Variants in ADAMTS12 observed in about 807,000 individuals in gnomAD.
ADAMTS12 encodes ADAM metallopeptidase with thrombospondin type 1 motif 12, also known as A disintegrin and metalloproteinase with thrombospondin motifs 12.
In ADAMTS12, 118 loss-of-function variants were observed where a neutral mutation model predicts 167.8. That is an observed-to-expected ratio of 0.70 (90% CI 0.61 to 0.82). ADAMTS12 has a LOEUF of 0.82. Ranked by LOEUF, ADAMTS12 falls within the 40% of genes least tolerant of loss-of-function variation. ADAMTS12 has a pLI of 0.00. For synonymous variants in ADAMTS12, 704 were observed against 716.9 expected (o/e 0.98, Z 0.29); for missense variants, 1,916 against 1,998.8 (o/e 0.96, Z 0.79).
chr5:33,701,257 G>A (rs1259106314), intron 3 of ADAMTS12, among the ~76,000 whole-genome samples: 2 of 152,178 alleles, frequency 1.3e-5, no homozygotes, highest in Non-Finnish European at 2.9e-5. Context: ...CCCAACATCT[G>A]AGCACCCTTA....
chr5:33,553,782 G>T (rs1373610307), intron 20 of ADAMTS12, among the ~76,000 whole-genome samples: 1 of 152,150 alleles, frequency 6.6e-6, no homozygotes. Flanking sequence ...TAATACCTGG[G>T]TGATGAAATA....
At chr5:33,528,154 T>C (rs1373268300) in intron 23 of ADAMTS12, among the ~76,000 whole-genome samples, 3 of 152,026 alleles carry the variant, frequency 2.0e-5, no homozygotes, top group African/African-American at 7.3e-5. Context: ...GCCATTATTC[T>C]AAGTGAAGTA....
intron 2 of ADAMTS12, among the ~76,000 whole-genome samples, chr5:33,870,957 T>C (rs1750018276): frequency 6.6e-6 from 1 of 152,222 alleles, no homozygotes; most frequent in South Asian, 2.1e-4. Flanking sequence ...TAAACCCCTT[T>C]TCTTTATAAA....
At position 33,525,799 on chromosome 5, in the gene ADAMTS12, T is replaced by C. The variant is rs879738879; in HGVS notation, c.*1389A>G. On this transcript the variant is annotated 3_prime_UTR_variant, in exon 24 of 24. Coordinates refer to ENST00000504830, the MANE Select transcript of ADAMTS12 (RefSeq NM_030955.4). The stretch of plus-strand genomic sequence containing the variant: ...GAATTGGTTCTGATATCTTCTTTCA[T>C]TTGAAGCTTATGCCCCTCCACCCAC... 1 of 152,236 alleles carries C rather than the reference T, an allele frequency of 6.6e-6. No individual in the cohort carries two copies. Among genetic ancestry groups the C allele is most frequent in the Admixed American group, 6.5e-5 (1 of 15,278 alleles). 9.4% of individuals were successfully genotyped at this position (152,236 alleles called of 1,614,324 possible).
At chr5:33,630,758 AT>A in intron 13 of ADAMTS12, 21 bp downstream of exon 13, 1 of 1,598,350 alleles carries the variant, frequency 6.3e-7, no homozygotes, top group Non-Finnish European at 8.6e-7. Flanking sequence ...AAAGTTGTAG[AT>A]TAAGGAAACA....
At chr5:33,640,646 T>C (rs187722449) in intron 11 of ADAMTS12, among the ~76,000 whole-genome samples, 1 of 152,262 alleles carries the variant, frequency 6.6e-6, no homozygotes, top group East Asian at 1.9e-4. Context: ...CATCAAAGGG[T>C]GAAATTTTAA....
intron 2 of ADAMTS12, among the ~76,000 whole-genome samples, chr5:33,839,064 A>G (rs1450277568): frequency 6.6e-6 from 1 of 152,186 alleles, no homozygotes; most frequent in African/African-American, 2.4e-5. Context: ...AGATCCTAAA[A>G]CAGGTCTTTT....
intron 16 of ADAMTS12, among the ~76,000 whole-genome samples, chr5:33,604,507 T>TA (rs111633754): frequency 0.58 from 81,220 of 140,590 alleles, 23,587 homozygotes; most frequent in East Asian, 0.81. Flanking sequence ...ATCTCAAAAT[T>TA]AAAAAAAAAG....
chr5:33,669,207 A>G (rs2112232804), intron 5 of ADAMTS12, among the ~76,000 whole-genome samples: 1 of 152,320 alleles, frequency 6.6e-6, no homozygotes, highest in Non-Finnish European at 1.5e-5. Context: ...CTGAATTATT[A>G]TGATTTCTAA....
chr5:33,587,041 T>TC (rs779947906), intron 18 of ADAMTS12, among the ~76,000 whole-genome samples: 1 of 152,000 alleles, frequency 6.6e-6, no homozygotes, highest in African/African-American at 2.4e-5. Flanking sequence ...ATTTTCTGTT[T>TC]CTTTTTTTTT....
chr5:33,721,785 T>C (rs891215388), intron 3 of ADAMTS12, among the ~76,000 whole-genome samples: 1 of 152,212 alleles, frequency 6.6e-6, no homozygotes, highest in East Asian at 1.9e-4. Context: ...CTTCCTTTAT[T>C]TGTTTTCAAG....
intron 2 of ADAMTS12, among the ~76,000 whole-genome samples, chr5:33,860,794 G>A (rs552578089): frequency 2.0e-5 from 3 of 152,252 alleles, no homozygotes; most frequent in African/African-American, 7.2e-5. Flanking sequence ...GAAAGGTCCG[G>A]TTACCCACAA....
rs1738335526 is a variant in ADAMTS12, at chr5:33,604,473, CT to C, written c.2528-8414del. On this transcript the variant is annotated intron_variant, in intron 16 of 23. Transcript: ENST00000504830. The stretch of plus-strand genomic sequence containing the variant: ...CGGAAATTACGCCACTGCACTCTAG[CT>C]TGGGCAAAAAGACCAAAACTCCATC... Among the ~76,000 whole-genome samples the C allele has an allele frequency of 2.7e-5, 4 of 149,502 alleles. No individual in the cohort carries two copies. In the Admixed American group the frequency reaches 2.7e-4, roughly 10 times the overall value.
At chr5:33,727,259 C>T (rs546521284) in intron 3 of ADAMTS12, among the ~76,000 whole-genome samples, 12 of 152,010 alleles carry the variant, frequency 7.9e-5, no homozygotes, top group Non-Finnish European at 1.2e-4. Flanking sequence ...GCCTGGGTGA[C>T]GACGCGTGTG....
chr5:33,756,025 T>C (rs185209997), intron 2 of ADAMTS12, among the ~76,000 whole-genome samples: 1 of 152,246 alleles, frequency 6.6e-6, no homozygotes, highest in African/African-American at 2.4e-5. Flanking sequence ...TCAATCTATA[T>C]CTATCATAGG....
chr5:33,593,726 T>C (rs1747763364), intron 17 of ADAMTS12, among the ~76,000 whole-genome samples: 2 of 152,084 alleles, frequency 1.3e-5, no homozygotes, highest in Admixed American at 1.3e-4. Context: ...AAATACCTAA[T>C]GCAAGCGGGG....
At chr5:33,775,296 G>A (rs1370949953) in intron 2 of ADAMTS12, among the ~76,000 whole-genome samples, 11 of 152,198 alleles carry the variant, frequency 7.2e-5, no homozygotes, top group South Asian at 4.2e-4. Context: ...GGCAACAAAC[G>A]GAAGAACATA....
intron 1 of ADAMTS12, among the ~76,000 whole-genome samples, chr5:33,891,054 A>C (rs1223014624): frequency 6.6e-6 from 1 of 152,210 alleles, no homozygotes; most frequent in East Asian, 1.9e-4. Context: ...GCTTAAAAGA[A>C]TAAAACAACA....
intron 3 of ADAMTS12, among the ~76,000 whole-genome samples, chr5:33,688,428 C>T (rs1182924665): frequency 1.3e-5 from 2 of 152,066 alleles, no homozygotes; most frequent in Non-Finnish European, 2.9e-5. Context: ...GCTCAGGATA[C>T]CTGACCACTA....
Sources: allele counts gnomAD v4.1 joint callset (sites outside exome capture counted in the v4.1 genomes callset), GRCh38; gene constraint gnomAD v4.1.1; transcripts MANE v1.5; gene names NCBI Gene and HGNC (gene_info 2026-07-23, HGNC 2026-07-21).